Variants in AFTPH observed in about 807,000 individuals in gnomAD.
AFTPH encodes aftiphilin protein.
In AFTPH, 7 loss-of-function variants were observed where a neutral mutation model predicts 72.5. The observed-to-expected ratio is 0.10, with a 90% CI of 0.05 to 0.18. The LOEUF (loss-of-function observed/expected upper bound fraction) is 0.18, where lower values mean the gene tolerates loss of function less well. AFTPH is among the 10% of genes least tolerant of loss of function. AFTPH has a pLI of 1.00. For synonymous variants in AFTPH, 337 were observed against 370.1 expected (o/e 0.91, Z 1.03); for missense variants, 979 against 1,060.5 (o/e 0.92, Z 1.07).
At chr2:64,555,949 A>AG (rs1388873429) in intron 2 of AFTPH, among the ~76,000 whole-genome samples, 3 of 148,392 alleles carry the variant, frequency 2.0e-5, no homozygotes, top group African/African-American at 7.6e-5. Flanking sequence ...TGTTTTCCCT[A>AG]GTTGCTCCGG....
chr2:64,577,087 A>T (rs1246369975), intron 6 of AFTPH, among the ~76,000 whole-genome samples: 1 of 152,178 alleles, frequency 6.6e-6, no homozygotes, highest in Non-Finnish European at 1.5e-5. Context: ...AGCATTGGAA[A>T]GGCTAAGTGA....
At chr2:64,530,567 T>G (rs1281807757) in intron 1 of AFTPH, among the ~76,000 whole-genome samples, 1 of 152,190 alleles carries the variant, frequency 6.6e-6, no homozygotes, top group African/African-American at 2.4e-5. Flanking sequence ...TAAATACATG[T>G]TAAGAGGGAT....
chr2:64,552,985 C>G (rs777968781), exon 2 of AFTPH: 12 of 1,614,124 alleles, frequency 7.4e-6, no homozygotes, highest in Admixed American at 1.7e-5. Flanking sequence ...AAACAGACTT[C>G]TGATAATTTA....
In AFTPH at chr2:64,589,911, T is replaced by G. The variant is rs376196941; in HGVS notation, c.2580-1974T>G. Among the ~76,000 whole-genome samples, 7 of 140,168 alleles carry G rather than the reference T, an allele frequency of 5.0e-5. No homozygotes were observed. In the East Asian group the frequency reaches 9.3e-4, roughly 19 times the overall value. 92.0% of individuals were successfully genotyped at this position (140,168 alleles called of 152,430 possible). ...GATCACTATAATTCCTTAGTGTAAT[T>G]CTTTCAGATCTTTTCCTATGCAAAT... On this transcript the variant is annotated intron_variant, in intron 8 of 8. Transcript: ENST00000238856.
At chr2:64,592,919 GGTT>G (rs1277195187) in exon 9 of AFTPH, 1 of 152,588 alleles carries the variant, frequency 6.6e-6, no homozygotes, top group Non-Finnish European at 1.5e-5. Flanking sequence ...CCTCTAACAA[GGTT>G]AATGTGCATG....
At chr2:64,545,158 TTAGGC>T (rs748862207) in intron 1 of AFTPH, among the ~76,000 whole-genome samples, 3 of 152,022 alleles carry the variant, frequency 2.0e-5, no homozygotes, top group Non-Finnish European at 2.9e-5. Flanking sequence ...TAATCACAGA[TTAGGC>T]TAGGAAAAAA....
intron 1 of AFTPH, among the ~76,000 whole-genome samples, chr2:64,538,955 T>TA (rs1267465222): frequency 1.3e-5 from 2 of 150,542 alleles, no homozygotes; most frequent in African/African-American, 2.5e-5. Context: ...CTGCCACAGT[T>TA]ACGTTTTTAG....
At chr2:64,556,641 C>CA (rs1671392190) in intron 2 of AFTPH, among the ~76,000 whole-genome samples, 1 of 152,094 alleles carries the variant, frequency 6.6e-6, no homozygotes, top group African/African-American at 2.4e-5. Flanking sequence ...TTTAGCCCAC[C>CA]AAAAAGATAT....
chr2:64,589,284 C>A (rs761376010), intron 8 of AFTPH, among the ~76,000 whole-genome samples: 21 of 152,192 alleles, frequency 1.4e-4, no homozygotes, highest in Admixed American at 3.9e-4. Flanking sequence ...TGTCTGAAAA[C>A]TGTTGAAATG....
chr2:64,526,314 A>G (rs905701315), intron 1 of AFTPH, among the ~76,000 whole-genome samples: 6 of 152,208 alleles, frequency 3.9e-5, no homozygotes, highest in African/African-American at 7.2e-5. Flanking sequence ...AGTACCAAAT[A>G]ATGTTTTATT....
chr2:64,554,862 C>G (rs2103958148), intron 2 of AFTPH, among the ~76,000 whole-genome samples: 1 of 152,294 alleles, frequency 6.6e-6, no homozygotes, highest in South Asian at 2.1e-4. Context: ...ATTGGGTGAT[C>G]TTTAATTTGT....
intron 6 of AFTPH, 104 bp downstream of exon 6, chr2:64,573,172 G>C (rs992510521): frequency 1.2e-6 from 1 of 865,570 alleles, no homozygotes; most frequent in Non-Finnish European, 1.8e-6. Context: ...AAAAATATTT[G>C]TAAAGCTTGA....
In AFTPH at chr2:64,533,669, A is replaced by G. The variant is rs148470938; in HGVS notation, c.-33+9057A>G. On this transcript the variant is annotated intron_variant, in intron 1 of 8. Coordinates refer to ENST00000238856, the Ensembl canonical transcript of AFTPH. ...GTAAGTCTACCCCGATTTGCTAGTG[A>G]TGTGATGGTATACTATATAACCACC... Among the ~76,000 whole-genome samples, 374 of 152,298 alleles carry G rather than the reference A, an allele frequency of 2.5e-3. 1 individual carries two copies. The highest frequency in any genetic ancestry group is 8.4e-3 in the African/African-American group (350 of 41,566).
chr2:64,536,951 C>CAAAAA (rs70937353), intron 1 of AFTPH, among the ~76,000 whole-genome samples: 11 of 81,792 alleles, frequency 1.3e-4, no homozygotes, highest in African/African-American at 2.1e-4. Context: ...GACTCTGTCT[C>CAAAAA]AAAAAAAAAA....
chr2:64,554,115 C>T (rs1006649451), intron 2 of AFTPH, among the ~76,000 whole-genome samples: 1 of 152,166 alleles, frequency 6.6e-6, no homozygotes, highest in African/African-American at 2.4e-5. Flanking sequence ...CCTATACTTT[C>T]TTACAAATGT....
intron 6 of AFTPH, among the ~76,000 whole-genome samples, chr2:64,576,586 T>C (rs1672816489): frequency 6.6e-6 from 1 of 152,202 alleles, no homozygotes. Context: ...TCCCTCTTAG[T>C]AAGGTCAATA....
At chr2:64,574,497 GGA>G (rs1181028696) in intron 6 of AFTPH, among the ~76,000 whole-genome samples, 1 of 152,196 alleles carries the variant, frequency 6.6e-6, no homozygotes, top group Non-Finnish European at 1.5e-5. Context: ...AGAGATCAGA[GGA>G]GAGGGGAGTG....
intron 2 of AFTPH, among the ~76,000 whole-genome samples, chr2:64,558,523 AC>A (rs1324134713): frequency 6.6e-6 from 1 of 152,244 alleles, no homozygotes; most frequent in Non-Finnish European, 1.5e-5. Flanking sequence ...ATAATTACTT[AC>A]CCAGTTTTTG....
At chr2:64,570,702 T>C (rs1023419328) in intron 5 of AFTPH, among the ~76,000 whole-genome samples, 1 of 152,194 alleles carries the variant, frequency 6.6e-6, no homozygotes, top group African/African-American at 2.4e-5. Flanking sequence ...AGGTTGTTGA[T>C]GTTATGGAAC....
Sources: allele counts gnomAD v4.1 joint callset (sites outside exome capture counted in the v4.1 genomes callset), GRCh38; gene constraint gnomAD v4.1.1; transcripts MANE v1.5; gene names NCBI Gene and HGNC (gene_info 2026-07-23, HGNC 2026-07-21).